MYO3B: variants seen among roughly 807,000 people sequenced by gnomAD.
MYO3B encodes myosin IIIB.
In MYO3B, 156 loss-of-function variants were observed where a neutral mutation model predicts 174.6. The ratio of observed to expected loss-of-function variants is 0.89; its 90% CI spans 0.78 to 1.02. The LOEUF (loss-of-function observed/expected upper bound fraction) is 1.02, where lower values mean the gene tolerates loss of function less well. MYO3B is among the 50% of genes least tolerant of loss of function. The pLI is 0.00. For synonymous variants in MYO3B, 563 were observed against 569.1 expected (o/e 0.99, Z 0.15); for missense variants, 1,632 against 1,639.4 (o/e 1.00, Z 0.08).
chr2:170,512,342 T>C (rs1172337440), intron 28 of MYO3B, among the ~76,000 whole-genome samples: 2 of 152,214 alleles, frequency 1.3e-5, no homozygotes, highest in African/African-American at 2.4e-5. Context: ...TTATCCTTTA[T>C]ATTCTGATAA....
At chr2:170,456,647 C>T (rs1683925105) in intron 23 of MYO3B, among the ~76,000 whole-genome samples, 1 of 152,196 alleles carries the variant, frequency 6.6e-6, no homozygotes, top group East Asian at 1.9e-4. Context: ...CTCCTTCTGC[C>T]ACTGAACGCA....
intron 25 of MYO3B, among the ~76,000 whole-genome samples, chr2:170,495,031 C>A (rs578261507): frequency 6.6e-6 from 1 of 152,242 alleles, no homozygotes; most frequent in South Asian, 2.1e-4. Flanking sequence ...TGCTCAGACT[C>A]CAATATATAA....
intron 7 of MYO3B, among the ~76,000 whole-genome samples, chr2:170,308,479 A>T (rs535390935): frequency 1.3e-5 from 2 of 152,228 alleles, no homozygotes; most frequent in African/African-American, 4.8e-5. Flanking sequence ...GATGTGTGAA[A>T]ATCACTGATC....
rs756894438 is a variant in MYO3B at position 170,514,993 on chromosome 2, A to G, written c.3443A>G (p.Gln1148Arg). ...AAGTRGSAEV[Q>R]DCSEPGDHKV... Reference sequence around the variant, plus strand: ...GGTACGAGGGGAAGTGCCGAGGTTCAAGACTGCAGCGAGCCTGGTGACCAT... The same window carrying G: ...GGTACGAGGGGAAGTGCCGAGGTTCGAGACTGCAGCGAGCCTGGTGACCAT... Residue 1148 changes from glutamine to arginine, a missense_variant, in exon 29 of 35, where the codon CAA becomes CGA. Coordinates refer to ENST00000408978, the MANE Select transcript of MYO3B (RefSeq NM_138995.5). 5.0e-6 allele frequency: 8 copies of G among 1,614,068 alleles called. No individual in the cohort carries two copies. In the South Asian group the frequency reaches 6.6e-5, roughly 13 times the overall value.
At chr2:170,204,521 AATG>A (rs1375513862) in intron 3 of MYO3B, among the ~76,000 whole-genome samples, 3 of 152,230 alleles carry the variant, frequency 2.0e-5, no homozygotes, top group African/African-American at 7.2e-5. Context: ...TATTGCTTGA[AATG>A]ATGACTGTCT....
At chr2:170,560,548 C>CT (rs1219413049) in intron 32 of MYO3B, among the ~76,000 whole-genome samples, 1 of 152,134 alleles carries the variant, frequency 6.6e-6, no homozygotes, top group African/African-American at 2.4e-5. Flanking sequence ...AATGATATCC[C>CT]TTTTTGTTAA....
intron 30 of MYO3B, among the ~76,000 whole-genome samples, chr2:170,524,923 A>C (rs1688909607): frequency 6.6e-6 from 1 of 152,216 alleles, no homozygotes; most frequent in African/African-American, 2.4e-5. Flanking sequence ...GGATTTGAAC[A>C]TGGGCCTTCT....
chr2:170,350,867 A>G (rs755783947), intron 8 of MYO3B: 7 of 152,220 alleles, frequency 4.6e-5, no homozygotes, highest in Non-Finnish European at 1.0e-4. Flanking sequence ...TTTGAATTTG[A>G]AGGATTTTTG....
At chr2:170,443,257 A>AT (rs1413436433) in intron 22 of MYO3B, among the ~76,000 whole-genome samples, 1 of 152,092 alleles carries the variant, frequency 6.6e-6, no homozygotes, top group Non-Finnish European at 1.5e-5. Flanking sequence ...GATGATGAGC[A>AT]TTTTTTCATG....
intron 7 of MYO3B, among the ~76,000 whole-genome samples, chr2:170,327,209 A>G (rs1264400998): frequency 1.3e-5 from 2 of 152,102 alleles, no homozygotes; most frequent in African/African-American, 2.4e-5. Flanking sequence ...ACATGGTAAA[A>G]CCCTGTCTCT....
chr2:170,435,305 A>G (rs964751051), intron 22 of MYO3B, among the ~76,000 whole-genome samples: 2 of 152,214 alleles, frequency 1.3e-5, no homozygotes, highest in African/African-American at 4.8e-5. Context: ...GCAGCAGTCC[A>G]GGGCTGGTGG....
At chr2:170,293,736 T>G (rs2105424724) in intron 7 of MYO3B, among the ~76,000 whole-genome samples, 1 of 152,214 alleles carries the variant, frequency 6.6e-6, no homozygotes, top group South Asian at 2.1e-4. Flanking sequence ...AGACCACAGC[T>G]CCCCTGATTG....
At chr2:170,451,005 T>A (rs1683566461) in intron 23 of MYO3B, among the ~76,000 whole-genome samples, 2 of 152,244 alleles carry the variant, frequency 1.3e-5, no homozygotes. Context: ...TGCTTAAACC[T>A]TCAATTTTGT....
At chr2:170,606,385 C>G (rs755247804) in intron 32 of MYO3B, among the ~76,000 whole-genome samples, 4 of 152,160 alleles carry the variant, frequency 2.6e-5, no homozygotes, top group Non-Finnish European at 4.4e-5. Flanking sequence ...TATGCTGTCC[C>G]CTCAGCCTAG....
In MYO3B at chr2:170,514,826, G is replaced by A; in HGVS notation, c.3371-95G>A. On this transcript the variant is annotated intron_variant, in intron 28 of 34. Transcript: ENST00000408978. ...TGGTGCCTTGAACCGTAAGAAAAGT[G>A]TGGATTTTCCTGGCCAACTTGTATC... The A allele has an allele frequency of 3.9e-6, 4 of 1,019,134 alleles. No homozygotes were observed. In the South Asian group the frequency reaches 4.8e-5, roughly 12 times the overall value. The allele number at this position is 1,019,134 out of a possible 1,614,324, so 63.1% of individuals were successfully genotyped here.
At chr2:170,300,142 G>A (rs910966069) in intron 7 of MYO3B, among the ~76,000 whole-genome samples, 1 of 137,268 alleles carries the variant, frequency 7.3e-6, no homozygotes, top group African/African-American at 2.6e-5. Flanking sequence ...TCTTCTTTGG[G>A]CACAGGGTAG....
chr2:170,424,041 G>A (rs1412675675), intron 22 of MYO3B, among the ~76,000 whole-genome samples: 2 of 152,188 alleles, frequency 1.3e-5, no homozygotes, highest in East Asian at 3.9e-4. Flanking sequence ...TGACCAAAAA[G>A]CGTGGGGAAG....
intron 1 of MYO3B, among the ~76,000 whole-genome samples, chr2:170,195,258 A>C (rs1458032894): frequency 6.6e-6 from 1 of 151,938 alleles, no homozygotes; most frequent in Non-Finnish European, 1.5e-5. Context: ...CATGCCCAAA[A>C]GTTGGCTTTT....
intron 32 of MYO3B, among the ~76,000 whole-genome samples, chr2:170,563,997 G>C (rs142307595): frequency 1.3e-5 from 2 of 152,332 alleles, no homozygotes; most frequent in African/African-American, 4.8e-5. Context: ...ACAAGGAGTA[G>C]CATCTACCCA....
Sources: gnomAD v4.1 joint callset for allele counts (sites outside exome capture counted in the v4.1 genomes callset) on GRCh38, gnomAD v4.1.1 for gene constraint, MANE v1.5 for transcripts, NCBI Gene and HGNC (gene_info 2026-07-23, HGNC 2026-07-21) for gene names.